Variants in ROBO1 observed in about 807,000 individuals in gnomAD.
ROBO1 encodes roundabout guidance receptor 1.
In ROBO1, 149 loss-of-function variants were observed where a neutral mutation model predicts 195.9. The observed-to-expected ratio is 0.76, with a 90% CI of 0.67 to 0.87. The LOEUF is 0.87. Ranked by LOEUF, ROBO1 falls within the 40% of genes least tolerant of loss-of-function variation. The pLI is 0.00. For synonymous variants in ROBO1, 816 were observed against 733.2 expected (o/e 1.11, Z -1.82); for missense variants, 1,933 against 2,068.3 (o/e 0.93, Z 1.27).
intron 1 of ROBO1, among the ~76,000 whole-genome samples, chr3:79,592,328 A>C (rs763205602): frequency 3.8e-4 from 58 of 152,000 alleles, no homozygotes; most frequent in Non-Finnish European, 7.2e-4. Flanking sequence ...ATATTATTTC[A>C]AATATCTGTA....
chr3:79,629,410 A>C (rs1425129994), intron 1 of ROBO1, among the ~76,000 whole-genome samples: 2 of 152,144 alleles, frequency 1.3e-5, no homozygotes, highest in Non-Finnish European at 2.9e-5. Flanking sequence ...TTTTTGGGTA[A>C]ATAAAAAAAT....
intron 1 of ROBO1, among the ~76,000 whole-genome samples, chr3:79,725,344 A>G (rs1014153816): frequency 1.4e-5 from 2 of 146,080 alleles, no homozygotes; most frequent in African/African-American, 5.1e-5. Flanking sequence ...CTCCTGCCTC[A>G]GCCTCCCGAG....
chr3:79,051,739 C>T (rs2078703351), intron 3 of ROBO1, among the ~76,000 whole-genome samples: 1 of 152,116 alleles, frequency 6.6e-6, no homozygotes, highest in Non-Finnish European at 1.5e-5. Context: ...GTGAAGATTT[C>T]ACAGACATTT....
At chr3:79,452,655 A>T (rs1312703946) in intron 2 of ROBO1, among the ~76,000 whole-genome samples, 2 of 152,124 alleles carry the variant, frequency 1.3e-5, no homozygotes, top group Non-Finnish European at 2.9e-5. Context: ...ACTTAGTTTA[A>T]TATTTCTAAA....
At chr3:79,549,905 G>A (rs1006860842) in intron 2 of ROBO1, among the ~76,000 whole-genome samples, 1 of 151,902 alleles carries the variant, frequency 6.6e-6, no homozygotes, top group Non-Finnish European at 1.5e-5. Context: ...TGGCAAGATC[G>A]CTTGAGGCCA....
chr3:79,036,802 A>T (rs1163428423), intron 3 of ROBO1, among the ~76,000 whole-genome samples: 1 of 152,190 alleles, frequency 6.6e-6, no homozygotes, highest in African/African-American at 2.4e-5. Flanking sequence ...GGTATGGCTC[A>T]CATTACACTA....
chr3:79,667,998 A>G (rs1453362069), intron 1 of ROBO1, among the ~76,000 whole-genome samples: 1 of 151,796 alleles, frequency 6.6e-6, no homozygotes, highest in Admixed American at 6.6e-5. Flanking sequence ...ATTACAATCA[A>G]GAAATATTTC....
chr3:79,315,070 G>A (rs2033673093), intron 2 of ROBO1, among the ~76,000 whole-genome samples: 1 of 152,134 alleles, frequency 6.6e-6, no homozygotes, highest in Non-Finnish European at 1.5e-5. Context: ...TAAGAACTTT[G>A]ACTTCTAATC....
At chr3:79,434,826 A>G (rs1206472916) in intron 2 of ROBO1, among the ~76,000 whole-genome samples, 1 of 152,204 alleles carries the variant, frequency 6.6e-6, no homozygotes, top group Non-Finnish European at 1.5e-5. Context: ...ATGTCCATCA[A>G]TGATAGACTG....
chr3:79,681,694 G>T (rs910391387), intron 1 of ROBO1, among the ~76,000 whole-genome samples: 9 of 151,892 alleles, frequency 5.9e-5, no homozygotes, highest in African/African-American at 2.2e-4. Flanking sequence ...CCAAGGAGAT[G>T]TGGAATCCTG....
chr3:79,019,520 CGATAATACTTAAA>C, intron 3 of ROBO1: 1 of 986,062 alleles, frequency 1.0e-6, no homozygotes, highest in Non-Finnish European at 1.2e-6. Flanking sequence ...CTCCCCGGCC[CGATAATACTTAAA>C]GGGGCCGCGT....
intron 4 of ROBO1, among the ~76,000 whole-genome samples, chr3:78,791,699 C>T (rs1303812391): frequency 6.6e-6 from 1 of 152,214 alleles, no homozygotes; most frequent in South Asian, 2.1e-4. Flanking sequence ...ACTTACCTCT[C>T]TATACATCCA....
chr3:79,072,537 C>T, intron 3 of ROBO1, among the ~76,000 whole-genome samples: 1 of 151,872 alleles, frequency 6.6e-6, no homozygotes. Flanking sequence ...CCACAGTGTT[C>T]ACCACTTCTT....
chr3:79,108,294 T>C (rs2079821271), intron 3 of ROBO1, among the ~76,000 whole-genome samples: 1 of 151,778 alleles, frequency 6.6e-6, no homozygotes, highest in African/African-American at 2.4e-5. Flanking sequence ...TGCATTTCTG[T>C]CATTGAAAGG....
chr3:78,785,689 C>T (rs1311296263), intron 4 of ROBO1, among the ~76,000 whole-genome samples: 3 of 152,132 alleles, frequency 2.0e-5, no homozygotes, highest in African/African-American at 7.2e-5. Flanking sequence ...TCCAATTATT[C>T]CTACAATTTT....
intron 2 of ROBO1, among the ~76,000 whole-genome samples, chr3:79,155,962 C>T (rs868050798): frequency 1.4e-4 from 22 of 151,984 alleles, no homozygotes; most frequent in African/African-American, 4.1e-4. Flanking sequence ...CACTTCCCAA[C>T]TTACAATCCT....
chr3:79,139,242 C>G (rs1489314571), intron 2 of ROBO1, among the ~76,000 whole-genome samples: 3 of 152,004 alleles, frequency 2.0e-5, no homozygotes, highest in Admixed American at 6.6e-5. Flanking sequence ...AATGGATAAG[C>G]CTGTGACCCA....
chr3:79,370,506 G>A (rs978852290), intron 2 of ROBO1, among the ~76,000 whole-genome samples: 3 of 151,914 alleles, frequency 2.0e-5, no homozygotes, highest in Non-Finnish European at 4.4e-5. Flanking sequence ...TACAAACTCA[G>A]TAGGCTCAAT....
intron 18 of ROBO1, among the ~76,000 whole-genome samples, chr3:78,652,349 C>T (rs527706825): frequency 5.2e-4 from 79 of 152,018 alleles, no homozygotes; most frequent in African/African-American, 1.1e-3. Flanking sequence ...TAAGTATTCA[C>T]GGACAATAAA....
Sources: allele counts gnomAD v4.1 joint callset (sites outside exome capture counted in the v4.1 genomes callset), GRCh38; gene constraint gnomAD v4.1.1; transcripts MANE v1.5; gene names NCBI Gene and HGNC (gene_info 2026-07-23, HGNC 2026-07-21).